The following UGT1A8 variants were observed in gnomAD, a reference collection of about 807,000 sequenced individuals.
The protein encoded by UGT1A8 is UDP glucuronosyltransferase family 1 member A8.
In UGT1A8, 39 loss-of-function variants were observed where a neutral mutation model predicts 45.3. That is an observed-to-expected ratio of 0.86 (90% CI 0.67 to 1.12). The LOEUF is 1.12. UGT1A8 is among the 50% of genes most tolerant of loss of function. The pLI is 0.00. For missense variants in UGT1A8, 719 were observed against 664.9 expected (o/e 1.08, Z -0.90); for synonymous variants, 275 against 249.2 (o/e 1.10, Z -0.97).
chr2:233,624,909 TA>T (rs2073065513), intron 1 of UGT1A8, among the ~76,000 whole-genome samples: 1 of 152,158 alleles, frequency 6.6e-6, no homozygotes, highest in African/African-American at 2.4e-5. Context: ...ATTTAAGTGA[TA>T]TTTTTATTCC....
At chr2:233,694,587 A>G (rs2075228279) in intron 1 of UGT1A8, among the ~76,000 whole-genome samples, 1 of 152,196 alleles carries the variant, frequency 6.6e-6, no homozygotes, top group African/African-American at 2.4e-5. Context: ...AATATTTACA[A>G]CTTTGAAGGG....
intron 1 of UGT1A8, among the ~76,000 whole-genome samples, chr2:233,666,592 T>C (rs1559331343): frequency 6.6e-6 from 1 of 152,196 alleles, no homozygotes; most frequent in Non-Finnish European, 1.5e-5. Context: ...TTTACCAGTC[T>C]GTAGATGTTT....
intron 1 of UGT1A8, among the ~76,000 whole-genome samples, chr2:233,620,669 T>A (rs28969674): frequency 2.6e-5 from 4 of 152,174 alleles, no homozygotes; most frequent in African/African-American, 9.7e-5. Flanking sequence ...TATTAATGTA[T>A]ATATTTATGA....
chr2:233,669,109 C>G (rs145642163), intron 1 of UGT1A8, among the ~76,000 whole-genome samples: 7 of 152,352 alleles, frequency 4.6e-5, no homozygotes, highest in African/African-American at 1.7e-4. Context: ...CTTTTCCCCA[C>G]AGAATTGCCT....
At chr2:233,637,664 T>C (rs1266229764) in intron 1 of UGT1A8, among the ~76,000 whole-genome samples, 1 of 152,202 alleles carries the variant, frequency 6.6e-6, no homozygotes, top group Non-Finnish European at 1.5e-5. Context: ...GAAATGAAAC[T>C]TCCGTTTTTT....
chr2:233,629,124 C>T (rs1052195943), intron 1 of UGT1A8, among the ~76,000 whole-genome samples: 6 of 152,060 alleles, frequency 3.9e-5, no homozygotes, highest in Non-Finnish European at 7.4e-5. Flanking sequence ...CTCCATTCCC[C>T]CCTCCTCTCA....
At chr2:233,689,025 G>A (rs1000208485) in intron 1 of UGT1A8, among the ~76,000 whole-genome samples, 5 of 152,202 alleles carry the variant, frequency 3.3e-5, no homozygotes, top group African/African-American at 1.2e-4. Flanking sequence ...ACATGGCCAA[G>A]TGGAAATCCT....
At chr2:233,730,554 A>G (rs1442636181) in intron 1 of UGT1A8, among the ~76,000 whole-genome samples, 1 of 152,192 alleles carries the variant, frequency 6.6e-6, no homozygotes, top group Non-Finnish European at 1.5e-5. Context: ...CTGTGATTAG[A>G]GAATGACACA....
intron 1 of UGT1A8, among the ~76,000 whole-genome samples, chr2:233,620,782 T>C (rs555126317): frequency 6.6e-6 from 1 of 152,238 alleles, no homozygotes; most frequent in African/African-American, 2.4e-5. Flanking sequence ...AAAGTAAAAG[T>C]CAACTGTCAT....
At chr2:233,663,081 G>A (rs1359845087) in intron 1 of UGT1A8, among the ~76,000 whole-genome samples, 1 of 152,086 alleles carries the variant, frequency 6.6e-6, no homozygotes, top group Non-Finnish European at 1.5e-5. Flanking sequence ...TTCATCTGCA[G>A]AACTCTCTTC....
chr2:233,672,504 C>T (rs2125502291), intron 1 of UGT1A8: 1 of 1,613,922 alleles, frequency 6.2e-7, no homozygotes, highest in South Asian at 1.1e-5. Context: ...TTTCCTATGT[C>T]CCCAGAATTC....
Position 233,712,865 on chromosome 2 carries a change from G to A in UGT1A8, c.856-54169G>A, listed in dbSNP as rs575994883. The A allele has an allele frequency of 2.8e-4, 439 of 1,573,778 alleles. 3 individuals are homozygous for A. In the African/African-American group the frequency reaches 5.2e-3, roughly 19 times the overall value. On this transcript the variant is annotated intron_variant, in intron 1 of 4. Transcript: ENST00000373450. ...AACGGGTAATAAGTAACTGGAGGAGGGCACTCTGTCTTCAATTACATGTTG... is the reference window on the plus strand; with the variant it reads ...AACGGGTAATAAGTAACTGGAGGAGAGCACTCTGTCTTCAATTACATGTTG...
intron 1 of UGT1A8, chr2:233,672,173 C>T: frequency 6.2e-7 from 1 of 1,614,176 alleles, no homozygotes; most frequent in Non-Finnish European, 8.5e-7. Context: ...TATTCAACTT[C>T]ATATACCCTG....
chr2:233,728,673 T>C (rs1429159158), intron 1 of UGT1A8, among the ~76,000 whole-genome samples: 1 of 152,152 alleles, frequency 6.6e-6, no homozygotes, highest in Non-Finnish European at 1.5e-5. Context: ...TACTCATACA[T>C]GAGAAGAAAG....
Position 233,748,080 on chromosome 2 carries a change from G to A in UGT1A8, c.856-18954G>A, listed in dbSNP as rs1693856955. The stretch of plus-strand genomic sequence containing the variant: ...TGCCAACAGGAAGCCACTATCTCAG[G>A]TCGGTGTTCGTGCCTTCATCCAATC... On this transcript the variant is annotated intron_variant, in intron 1 of 4. Transcript: ENST00000373450. The A allele has an allele frequency of 1.2e-5, 19 of 1,613,008 alleles. 1 individual carries two copies. In the Admixed American group the frequency reaches 3.2e-4, roughly 27 times the overall value.
chr2:233,709,753 T>C (rs1405121833), intron 1 of UGT1A8, among the ~76,000 whole-genome samples: 1 of 152,244 alleles, frequency 6.6e-6, no homozygotes, highest in African/African-American at 2.4e-5. Flanking sequence ...ATAAACATTA[T>C]TGGAGTATTA....
intron 1 of UGT1A8, among the ~76,000 whole-genome samples, chr2:233,711,498 C>T (rs1471685186): frequency 1.3e-5 from 2 of 152,172 alleles, no homozygotes; most frequent in African/African-American, 4.8e-5. Context: ...AGCTGAGAAT[C>T]CCTTTCTAGC....
At chr2:233,657,377 A>G (rs1251855222) in intron 1 of UGT1A8, among the ~76,000 whole-genome samples, 1 of 152,212 alleles carries the variant, frequency 6.6e-6, no homozygotes, top group Non-Finnish European at 1.5e-5. Flanking sequence ...TGTTTCTGGC[A>G]AAAGACTTGG....
intron 1 of UGT1A8, among the ~76,000 whole-genome samples, chr2:233,639,352 C>G (rs991435334): frequency 6.6e-6 from 1 of 152,126 alleles, no homozygotes; most frequent in African/African-American, 2.4e-5. Context: ...CAGAGGAATT[C>G]GATCTCAAAG....
Sources: gnomAD v4.1 joint callset for allele counts (sites outside exome capture counted in the v4.1 genomes callset) on GRCh38, gnomAD v4.1.1 for gene constraint, MANE v1.5 for transcripts, NCBI Gene and HGNC (gene_info 2026-07-23, HGNC 2026-07-21) for gene names.